The following SYTL1 variants were observed in gnomAD, a reference collection of about 807,000 sequenced individuals.
The protein encoded by SYTL1 is synaptotagmin like 1.
A neutral mutation model predicts 74.6 loss-of-function variants in SYTL1; 53 were observed. That is an observed-to-expected ratio of 0.71 (90% confidence interval 0.57 to 0.89). The LOEUF (loss-of-function observed/expected upper bound fraction) is 0.89. Ranked by LOEUF, SYTL1 falls within the 40% of genes least tolerant of loss-of-function variation. The pLI is 0.00. For synonymous variants in SYTL1, 329 were observed against 324.9 expected (o/e 1.01, Z -0.14); for missense variants, 728 against 768.7 (o/e 0.95, Z 0.63).
chr1:27,342,272 G>C lies in SYTL1; in HGVS notation c.-39+122G>C. The C allele has an allele frequency of 2.1e-6, 2 of 964,038 alleles. No individual in the cohort carries two copies. Among genetic ancestry groups the C allele is most frequent in the Non-Finnish European group, 2.5e-6 (2 of 810,434 alleles). The allele number at this position is 964,038 out of a possible 1,614,324, so 59.7% of individuals were successfully genotyped here. A position where few individuals can be genotyped will look rare whatever the true frequency, so the allele number is the denominator to read the frequency against. On this transcript the variant is annotated intron_variant, in intron 1 of 14. Coordinates refer to ENST00000616558, the MANE Select transcript of SYTL1 (RefSeq NM_001193308.2). The surrounding 1 kb of genome is among the most constrained non-coding windows in gnomAD (Gnocchi z 4.7). ...GGAGGTGGGCACATGTCTGGAACTG[G>C]AACAGCTGGACAGATGGACAGACCC...
In SYTL1 at chr1:27,351,181, A is replaced by G. The variant is rs1284928071; in HGVS notation, c.1165-77A>G. 6.7e-7 allele frequency: 1 copy of G among 1,493,032 alleles called. No individual in the cohort carries two copies. The highest frequency in any genetic ancestry group is 1.4e-5 in the African/African-American group (1 of 71,634). 92.5% of individuals were successfully genotyped at this position (1,493,032 alleles called of 1,614,324 possible). On this transcript the variant is annotated intron_variant, in intron 11 of 14. Transcript: ENST00000616558. The surrounding 1 kb of genome is among the most constrained non-coding windows in gnomAD (Gnocchi z 5.0). The stretch of plus-strand genomic sequence containing the variant: ...CCGCCGTCTCTTCTAGCCGCACCCC[A>G]TCCGGGTCTGCAGACCCCACCCTCC...
Position 27,353,881 on chromosome 1 carries a change from C to T in SYTL1, c.*29C>T, listed in dbSNP as rs776883383. ...CACCAAGCCTCTCTCTCTGGACCCC[C>T]ATCTCAGGGCCTGCCCTTGGCTAAA... is the stretch of plus-strand genomic sequence containing the variant. On this transcript the variant is annotated 3_prime_UTR_variant, in exon 15 of 15. Transcript: ENST00000616558. 2 of 1,601,946 alleles carry T rather than the reference C, an allele frequency of 1.2e-6. No individual in the cohort carries two copies. The highest frequency in any genetic ancestry group is 1.1e-5 in the South Asian group (1 of 90,468).
intron 2 of SYTL1, among the ~76,000 whole-genome samples, chr1:27,346,571 T>C (rs1456861786): frequency 6.6e-6 from 1 of 152,076 alleles, no homozygotes; most frequent in East Asian, 1.9e-4. Flanking sequence ...AAGACCAGCC[T>C]GGACAACACA....
rs527974988 is a variant in SYTL1, at chr1:27,351,710, C to T, written c.1343+155C>T. ...GACGGTTTGAGCAAAGGCCTGGAGT[C>T]AGGGAAGTTGAGGACACCTTTGAGG... is the stretch of plus-strand genomic sequence containing the variant. On this transcript the variant is annotated intron_variant, in intron 13 of 14. Transcript: ENST00000616558. The surrounding 1 kb of genome is among the most constrained non-coding windows in gnomAD (Gnocchi z 5.0). 137 of 553,436 alleles carry T rather than the reference C, an allele frequency of 2.5e-4. No individual in the cohort carries two copies. Among genetic ancestry groups the T allele is most frequent in the African/African-American group, 2.4e-3 (124 of 51,122 alleles). The allele number at this position is 553,436 out of a possible 1,614,324, so 34.3% of individuals were successfully genotyped here.
In SYTL1 at chr1:27,350,836, C is replaced by T. The variant is rs771581078; in HGVS notation, c.1048C>T (p.Leu350=). ...QAELQGRVLS[L]SVWHRESLGR... is the part of the protein sequence containing the mutation. ...CGAGCTTCAGGGCCGCGTGCTGAGC[C>T]TGTCTGTGTGGCACCGCGAAAGCCT... Residue 350 remains leucine (L), a synonymous_variant, in exon 11 of 15, where the codon CTG becomes TTG. Coordinates refer to ENST00000616558, the MANE Select transcript of SYTL1 (RefSeq NM_001193308.2). This position sits in a 1 kb window ranked among gnomAD's most constrained non-coding sequence, Gnocchi z 6.3. 1.9e-5 allele frequency: 30 copies of T among 1,613,766 alleles called. No homozygotes were observed. Among genetic ancestry groups the T allele is most frequent in the Non-Finnish European group, 2.5e-5 (29 of 1,180,030 alleles).
Position 27,350,860 on chromosome 1 carries a change from C to G in SYTL1, c.1072C>G (p.Leu358Val), listed in dbSNP as rs762272733. 1 of 1,613,880 alleles carries G rather than the reference C, an allele frequency of 6.2e-7. No individual in the cohort carries two copies. The highest frequency in any genetic ancestry group is 8.5e-7 in the Non-Finnish European group (1 of 1,180,022). The change falls in exon 11 of 15, where the codon CTG becomes GTG. Residue 358 changes from leucine (L) to valine (V), a missense_variant. Coordinates refer to ENST00000616558, the MANE Select transcript of SYTL1 (RefSeq NM_001193308.2). This position sits in a 1 kb window ranked among gnomAD's most constrained non-coding sequence, Gnocchi z 6.3. ...LSLSVWHRES[L>V]GRNIFLGEVE... ...CCTGTCTGTGTGGCACCGCGAAAGC[C>G]TGGGTCGCAACATCTTTCTGGGCGA...
Position 27,351,010 on chromosome 1 carries a change from A to G in SYTL1, c.1164+58A>G. 1 of 1,590,138 alleles carries G rather than the reference A, an allele frequency of 6.3e-7. No individual in the cohort carries two copies. The highest frequency in any genetic ancestry group is 2.3e-5 in the East Asian group (1 of 44,404). ...GGCCCGGGTCTCCTGCATTTACCCCACCAGGCTCTCCCGCAGCCCCCTCAC... is the reference window on the plus strand; with the variant it reads ...GGCCCGGGTCTCCTGCATTTACCCCGCCAGGCTCTCCCGCAGCCCCCTCAC... On this transcript the variant is annotated intron_variant, in intron 11 of 14. Coordinates refer to ENST00000616558, the MANE Select transcript of SYTL1 (RefSeq NM_001193308.2). The surrounding 1 kb of genome is among the most constrained non-coding windows in gnomAD (Gnocchi z 5.0).
In SYTL1 at chr1:27,351,154, C is replaced by A; in HGVS notation, c.1165-104C>A. On this transcript the variant is annotated intron_variant, in intron 11 of 14. Coordinates refer to ENST00000616558, the MANE Select transcript of SYTL1 (RefSeq NM_001193308.2). The surrounding 1 kb of genome is among the most constrained non-coding windows in gnomAD (Gnocchi z 5.0). ...GACCCCTAGGTTCTGCCCCTGCAGGCCCCGCCGTCTCTTCTAGCCGCACCC... is the reference window on the plus strand; with the variant it reads ...GACCCCTAGGTTCTGCCCCTGCAGGACCCGCCGTCTCTTCTAGCCGCACCC... 1 of 1,408,922 alleles carries A rather than the reference C, an allele frequency of 7.1e-7. No homozygotes were observed. The highest frequency in any genetic ancestry group is 9.6e-7 in the Non-Finnish European group (1 of 1,038,074). The allele number at this position is 1,408,922 out of a possible 1,614,324, so 87.3% of individuals were successfully genotyped here. A position where few individuals can be genotyped will look rare whatever the true frequency, so the allele number is the denominator to read the frequency against.
chr1:27,347,387 A>G lies in SYTL1; in HGVS notation c.192-34A>G. 6.2e-7 allele frequency: 1 copy of G among 1,613,580 alleles called. No individual in the cohort carries two copies. On this transcript the variant is annotated intron_variant, in intron 2 of 14. Coordinates refer to ENST00000616558, the MANE Select transcript of SYTL1 (RefSeq NM_001193308.2). This position sits in a 1 kb window ranked among gnomAD's most constrained non-coding sequence, Gnocchi z 4.9. ...AGGTGGCGGGAATGTTGCTTGGGTG[A>G]GTCATGACAGCCACACCCTCCCCCT...
Position 27,342,366 on chromosome 1 carries a change from T to C in SYTL1, c.-39+216T>C. ...AGAAGACCAAACTCCTACCTAACTC[T>C]GGTAGGAGATTCTGCCTCTGGTTGG... On this transcript the variant is annotated intron_variant, in intron 1 of 14. Coordinates refer to ENST00000616558, the MANE Select transcript of SYTL1 (RefSeq NM_001193308.2). The surrounding 1 kb of genome is among the most constrained non-coding windows in gnomAD (Gnocchi z 4.7). 1.0e-6 allele frequency: 1 copy of C among 980,486 alleles called. No homozygotes were observed. The highest frequency in any genetic ancestry group is 1.2e-6 in the Non-Finnish European group (1 of 825,416). The allele number at this position is 980,486 out of a possible 1,614,324, so 60.7% of individuals were successfully genotyped here. A position where few individuals can be genotyped will look rare whatever the true frequency, so the allele number is the denominator to read the frequency against.
Position 27,349,168 on chromosome 1 carries a change from T to C in SYTL1, c.532+16T>C, listed in dbSNP as rs542457219. The C allele has an allele frequency of 1.2e-6, 2 of 1,611,880 alleles. No homozygotes were observed. Among genetic ancestry groups the C allele is most frequent in the South Asian group, 1.1e-5 (1 of 91,004 alleles). On this transcript the variant is annotated intron_variant, in intron 6 of 14. Transcript: ENST00000616558. ...GCCCAGGAAGGTGAGTGGGAGCGCC[T>C]GTTGGGGAGCACGGAGAGGTTTCGC...
chr1:27,351,199 C>T lies in SYTL1; in HGVS notation c.1165-59C>T. On this transcript the variant is annotated intron_variant, in intron 11 of 14. Coordinates refer to ENST00000616558, the MANE Select transcript of SYTL1 (RefSeq NM_001193308.2). The surrounding 1 kb of genome is among the most constrained non-coding windows in gnomAD (Gnocchi z 5.0). ...GCACCCCATCCGGGTCTGCAGACCC[C>T]ACCCTCCTGAGGCCCCTTTCCATTA... 1.3e-6 allele frequency: 2 copies of T among 1,535,306 alleles called. No individual in the cohort carries two copies. The highest frequency in any genetic ancestry group is 2.4e-5 in the South Asian group (2 of 83,502).
Position 27,351,365 on chromosome 1 carries a change from G to A in SYTL1, c.1243+29G>A. Reference sequence around the variant, plus strand: ...AGTGACAGCCGGAGAGGCCAAGCTGGACACGCCCTGAAAAGCGGGAGACTC... The same window carrying A: ...AGTGACAGCCGGAGAGGCCAAGCTGAACACGCCCTGAAAAGCGGGAGACTC... On this transcript the variant is annotated intron_variant, in intron 12 of 14. Transcript: ENST00000616558. This position sits in a 1 kb window ranked among gnomAD's most constrained non-coding sequence, Gnocchi z 5.0. 1 of 1,523,626 alleles carries A rather than the reference G, an allele frequency of 6.6e-7. No homozygotes were observed. Among genetic ancestry groups the A allele is most frequent in the Non-Finnish European group, 8.8e-7 (1 of 1,132,026 alleles). The allele number at this position is 1,523,626 out of a possible 1,614,324, so 94.4% of individuals were successfully genotyped here.
Position 27,350,989 on chromosome 1 carries a change from C to A in SYTL1, c.1164+37C>A, listed in dbSNP as rs761723904. ...AGGCCGCGTGGGGAGACCTGCGGCCCGGGTCTCCTGCATTTACCCCACCAG... is the reference window on the plus strand; with the variant it reads ...AGGCCGCGTGGGGAGACCTGCGGCCAGGGTCTCCTGCATTTACCCCACCAG... On this transcript the variant is annotated intron_variant, in intron 11 of 14. Transcript: ENST00000616558. This position sits in a 1 kb window ranked among gnomAD's most constrained non-coding sequence, Gnocchi z 6.3. 1 of 1,608,864 alleles carries A rather than the reference C, an allele frequency of 6.2e-7. No individual in the cohort carries two copies. The highest frequency in any genetic ancestry group is 1.3e-5 in the African/African-American group (1 of 74,796).
chr1:27,350,931 C>A lies in SYTL1; in HGVS notation c.1143C>A (p.Thr381=). The A allele has an allele frequency of 1.2e-6, 2 of 1,613,256 alleles. No individual in the cohort carries two copies. Among genetic ancestry groups the A allele is most frequent in the Non-Finnish European group, 1.7e-6 (2 of 1,179,880 alleles). The change falls in exon 11 of 15, where the codon ACC becomes ACA. Residue 381 remains threonine, a synonymous_variant. Coordinates refer to ENST00000616558, the MANE Select transcript of SYTL1 (RefSeq NM_001193308.2). This position sits in a 1 kb window ranked among gnomAD's most constrained non-coding sequence, Gnocchi z 6.3. ...CGTGGGACTGGGGCTCTGAGCCCAC[C>A]TGGCTCCCCCTGCAGCCCCGGGTGA... is the stretch of plus-strand genomic sequence containing the variant. ...LDTWDWGSEP[T]WLPLQPRVPP... is the part of the protein sequence containing the mutation.
rs1318115502 is a variant in SYTL1, at chr1:27,351,637, C to A, written c.1343+82C>A. ...ACCTCCACAAACCCTTACTAATCAA[C>A]CTTTGATCACGCAGCCTGGGCTTTC... On this transcript the variant is annotated intron_variant, in intron 13 of 14. Coordinates refer to ENST00000616558, the MANE Select transcript of SYTL1 (RefSeq NM_001193308.2). The surrounding 1 kb of genome is among the most constrained non-coding windows in gnomAD (Gnocchi z 5.0). The A allele has an allele frequency of 1.1e-6, 1 of 898,188 alleles. No homozygotes were observed. 55.6% of individuals were successfully genotyped at this position (898,188 alleles called of 1,614,324 possible).
Position 27,348,228 on chromosome 1 carries a change from A to G in SYTL1, c.459+216A>G, listed in dbSNP as rs1338098702. 6.6e-6 allele frequency among the ~76,000 whole-genome samples: 1 copy of G among 152,044 alleles called. No individual in the cohort carries two copies. The highest frequency in any genetic ancestry group is 1.9e-4 in the East Asian group (1 of 5,182). On this transcript the variant is annotated intron_variant, in intron 5 of 14. Transcript: ENST00000616558. The surrounding 1 kb of genome is among the most constrained non-coding windows in gnomAD (Gnocchi z 4.1). ...CAGTGGTGAACGGTGGTGAACAGTG[A>G]GTGGTATATGGACCCAGCCTCTAAG...
In SYTL1 at chr1:27,349,703, G is replaced by T. The variant is rs140349827; in HGVS notation, c.685G>T (p.Asp229Tyr). The T allele has an allele frequency of 1.2e-6, 2 of 1,611,072 alleles. No homozygotes were observed. Among genetic ancestry groups the T allele is most frequent in the South Asian group, 1.1e-5 (1 of 90,890 alleles). Residue 229 changes from aspartate to tyrosine, a missense_variant, in exon 8 of 15, where the codon GAC becomes TAC. Transcript: ENST00000616558. Reference sequence around the variant, plus strand: ...GAATGGGGAGGAGGCCCCGGGGCCCGACCCCTCTCTCGACCGCATGCTCAG... The same window carrying T: ...GAATGGGGAGGAGGCCCCGGGGCCCTACCCCTCTCTCGACCGCATGCTCAG... ...LENGEEAPGP[D>Y]PSLDRMLSSS...
Position 27,351,834 on chromosome 1 carries a change from G to A in SYTL1, c.1343+279G>A, listed in dbSNP as rs2015290137. 2 of 365,788 alleles carry A rather than the reference G, an allele frequency of 5.5e-6. No individual in the cohort carries two copies. The highest frequency in any genetic ancestry group is 6.8e-5 in the South Asian group (1 of 14,680). The allele number at this position is 365,788 out of a possible 1,614,324, so 22.7% of individuals were successfully genotyped here. A position where few individuals can be genotyped will look rare whatever the true frequency, so the allele number is the denominator to read the frequency against. On this transcript the variant is annotated intron_variant, in intron 13 of 14. Coordinates refer to ENST00000616558, the MANE Select transcript of SYTL1 (RefSeq NM_001193308.2). The surrounding 1 kb of genome is among the most constrained non-coding windows in gnomAD (Gnocchi z 5.0). ...CATAGAGAACCTGGGAGGCCAGGCT[G>A]TGGGGCTTGGCTGGGAACTTATAGT... is the stretch of plus-strand genomic sequence containing the variant.
Sources: gnomAD v4.1 joint callset for allele counts (sites outside exome capture counted in the v4.1 genomes callset) on GRCh38, gnomAD v4.1.1 for gene constraint, Gnocchi (gnomAD v3.1) non-coding constraint, MANE v1.5 for transcripts, NCBI Gene and HGNC (gene_info 2026-07-23, HGNC 2026-07-21) for gene names.